Variants in COPE observed in about 807,000 individuals in gnomAD.
COPE encodes the protein coat protein complex I subunit epsilon.
In COPE, 19 loss-of-function variants were observed where a neutral mutation model predicts 42.1. The ratio of observed to expected loss-of-function variants is 0.45; its 90% CI spans 0.31 to 0.66. The LOEUF (loss-of-function observed/expected upper bound fraction) is 0.66. COPE is among the 30% of genes least tolerant of loss of function. COPE has a pLI of 0.05. For synonymous variants in COPE, 195 were observed against 181.3 expected (o/e 1.08, Z -0.60); for missense variants, 402 against 416.1 (o/e 0.97, Z 0.30).
chr19:18,911,900 G>C (rs1369217208), intron 2 of COPE, among the ~76,000 whole-genome samples: 2 of 149,680 alleles, frequency 1.3e-5, no homozygotes, highest in Non-Finnish European at 3.0e-5. Flanking sequence ...GCCCAGGCTG[G>C]AGTGTAATGC....
At chr19:18,903,245 C>A (rs756139925) in intron 7 of COPE, 23 bp downstream of exon 7, 1 of 1,551,530 alleles carries the variant, frequency 6.4e-7, no homozygotes, top group Non-Finnish European at 8.7e-7. Context: ...TCCGTCCCCA[C>A]TCTGGGACAG....
rs745824851 is a variant in COPE at position 18,912,984 on chromosome 19, C to T, written c.189G>A (p.Gln63=). 1 of 1,611,898 alleles carries T rather than the reference C, an allele frequency of 6.2e-7. No homozygotes were observed. Among genetic ancestry groups the T allele is most frequent in the South Asian group, 1.1e-5 (1 of 91,084 alleles). ...GCCCCCGGCCAAGGCCCGCACTCAC[C>T]TGCGCCAGGTACGCTCTATACAGGA... ...DVFLYRAYLA[Q]RKFGVVLDEI... Residue 63 remains glutamine, a splice_region_variant and synonymous_variant, in exon 2 of 10, where the codon CAG becomes CAA. Transcript: ENST00000262812.
At chr19:18,905,793 C>T in intron 4 of COPE, 164 bp from the exon 5 acceptor site, 4 of 650,686 alleles carry the variant, frequency 6.1e-6, no homozygotes, top group South Asian at 4.1e-5. Flanking sequence ...CCACATTTCA[C>T]CGCTCAGCTT....
At chr19:18,906,473 G>A (rs542355565) in intron 4 of COPE, 6 of 161,332 alleles carry the variant, frequency 3.7e-5, no homozygotes, top group African/African-American at 9.6e-5. Flanking sequence ...GACAGCTCAC[G>A]GGGAAGAACT....
At chr19:18,910,811 GGA>G in intron 3 of COPE, 158 bp downstream of exon 3, 1 of 648,766 alleles carries the variant, frequency 1.5e-6, no homozygotes, top group East Asian at 2.7e-5. Context: ...TGCAGGTGAG[GGA>G]AACTGAGGCA....
At chr19:18,918,986 T>A (rs781402192) in intron 1 of COPE, among the ~76,000 whole-genome samples, 3 of 152,162 alleles carry the variant, frequency 2.0e-5, no homozygotes, top group Non-Finnish European at 4.4e-5. Flanking sequence ...CCTCCCTTAC[T>A]CAAAACACTT....
intron 1 of COPE, among the ~76,000 whole-genome samples, chr19:18,914,251 T>C (rs1203772938): frequency 1.3e-5 from 2 of 152,084 alleles, no homozygotes; most frequent in African/African-American, 4.8e-5. Context: ...CAAAGAAACA[T>C]ATTATAGGCC....
At chr19:18,912,812 C>T (rs1315340565) in intron 2 of COPE, among the ~76,000 whole-genome samples, 172 bp downstream of exon 2, 2 of 151,920 alleles carry the variant, frequency 1.3e-5, no homozygotes, top group Admixed American at 6.6e-5. Context: ...CTCCGTGACA[C>T]AGCCACCTTC....
rs1348081544 is a variant in COPE, at chr19:18,907,161, G to T, written c.291-49C>A. 3 of 1,579,936 alleles carry T rather than the reference G, an allele frequency of 1.9e-6. No individual in the cohort carries two copies. In the African/African-American group the frequency reaches 4.0e-5, roughly 21 times the overall value. On this transcript the variant is annotated intron_variant, in intron 3 of 9. Transcript: ENST00000262812. ...CCCACAGCTGGGGTGGCCTCTGTGG[G>T]ACCTCAGAGGGTCCCCTTCCTTGGA... is the stretch of plus-strand genomic sequence containing the variant.
chr19:18,907,540 C>T (rs1426893756), intron 3 of COPE, among the ~76,000 whole-genome samples: 1 of 152,158 alleles, frequency 6.6e-6, no homozygotes, highest in East Asian at 1.9e-4. Flanking sequence ...GGGGCACCCC[C>T]ACTGCCAGGG....
In COPE at chr19:18,899,548, A is replaced by G. The variant is rs2056674874; in HGVS notation, c.*131T>C. 3 of 820,360 alleles carry G rather than the reference A, an allele frequency of 3.7e-6. No homozygotes were observed. The African/African-American group carries it at 5.1e-5, about 14-fold the overall frequency. 50.8% of individuals were successfully genotyped at this position (820,360 alleles called of 1,614,324 possible). ...ACACCCTGGAGTTGAGATATTTATT[A>G]ACAGATGGGGGTGCTGGGGGTGGGC... On this transcript the variant is annotated 3_prime_UTR_variant, in exon 10 of 10. Coordinates refer to ENST00000262812, the MANE Select transcript of COPE (RefSeq NM_007263.4).
At chr19:18,913,425 T>G (rs1366140231) in intron 1 of COPE, among the ~76,000 whole-genome samples, 1 of 152,176 alleles carries the variant, frequency 6.6e-6, no homozygotes, top group Non-Finnish European at 1.5e-5. Flanking sequence ...GCTGCCCCAG[T>G]GTGGTGACAT....
intron 5 of COPE, among the ~76,000 whole-genome samples, 187 bp downstream of exon 5, chr19:18,905,389 G>C (rs2056748785): frequency 1.3e-5 from 2 of 152,118 alleles, no homozygotes; most frequent in African/African-American, 4.8e-5. Context: ...CTGAGGCACA[G>C]AGAGCCATGG....
intron 4 of COPE, 194 bp from the exon 5 acceptor site, chr19:18,905,823 G>T: frequency 1.7e-6 from 1 of 578,860 alleles, no homozygotes; most frequent in Non-Finnish European, 3.0e-6. Context: ...CAGGAGCTCT[G>T]GGGGAGGTAC....
At chr19:18,900,285 G>A (rs754827884) in intron 8 of COPE, 96 bp downstream of exon 8, 2 of 1,046,102 alleles carry the variant, frequency 1.9e-6, no homozygotes, top group East Asian at 2.6e-5. Flanking sequence ...TGTATACAGA[G>A]TTTTCCCAGG....
chr19:18,906,805 G>T, intron 4 of COPE, 155 bp downstream of exon 4: 1 of 857,892 alleles, frequency 1.2e-6, no homozygotes, highest in Non-Finnish European at 1.7e-6. Flanking sequence ...ACACTGGGCA[G>T]GGGAGCTGGA....
Position 18,919,337 on chromosome 19 carries a change from C to T in COPE, c.12G>A (p.Pro4=), listed in dbSNP as rs758092227. 7 of 1,613,722 alleles carry T rather than the reference C, an allele frequency of 4.3e-6. No individual in the cohort carries two copies. Among genetic ancestry groups the T allele is most frequent in the East Asian group, 4.5e-5 (2 of 44,892 alleles). MAP[P]APGPASGGSG... is the part of the protein sequence containing the mutation. ...AGCCGCCGGAGGCCGGGCCGGGGGC[C>T]GGAGGCGCCATTTCGCTGTCTTCTC... Residue 4 remains proline (P), a synonymous_variant, in exon 1 of 10, where the codon CCG becomes CCA. Transcript: ENST00000262812.
At chr19:18,917,705 G>C (rs2056866482) in intron 1 of COPE, among the ~76,000 whole-genome samples, 1 of 152,086 alleles carries the variant, frequency 6.6e-6, no homozygotes, top group Non-Finnish European at 1.5e-5. Context: ...AGAGGAGACA[G>C]TAAAACACAG....
chr19:18,915,539 C>T (rs1229324682), intron 1 of COPE, among the ~76,000 whole-genome samples: 1 of 152,210 alleles, frequency 6.6e-6, no homozygotes, highest in Admixed American at 6.5e-5. Flanking sequence ...CTCTTCAACC[C>T]CAAGGGCTCA....
Sources: gnomAD v4.1 joint callset for allele counts (sites outside exome capture counted in the v4.1 genomes callset) on GRCh38, gnomAD v4.1.1 for gene constraint, MANE v1.5 for transcripts, NCBI Gene and HGNC (gene_info 2026-07-23, HGNC 2026-07-21) for gene names.